The following NDC80 variants were observed in gnomAD, a reference collection of about 807,000 sequenced individuals.
NDC80 encodes the protein NDC80 kinetochore complex component.
A neutral mutation model predicts 89.3 loss-of-function variants in NDC80; 69 were observed. The observed-to-expected ratio is 0.77, with a 90% CI of 0.64 to 0.94. NDC80 has a LOEUF of 0.94. Among genes scored for constraint, NDC80 ranks in the 40% least tolerant of loss-of-function variants. The pLI is 0.00. For synonymous variants in NDC80, 243 were observed against 255.6 expected, an observed-to-expected ratio of 0.95 and a Z score of 0.47; for missense variants, 593 against 739.6, an observed-to-expected ratio of 0.80 and a Z score of 2.30.
chr18:2,590,913 G>GT (rs11452425), intron 10 of NDC80, among the ~76,000 whole-genome samples: 17,330 of 151,784 alleles, frequency 0.11, 1,189 homozygotes, highest in Admixed American at 0.14. Flanking sequence ...AGATTCTTTT[G>GT]TTTTTTTTGA....
At chr18:2,596,318 C>G (rs2072656041) in intron 11 of NDC80, among the ~76,000 whole-genome samples, 1 of 151,934 alleles carries the variant, frequency 6.6e-6, no homozygotes, top group Admixed American at 6.6e-5. Flanking sequence ...TGAACTCAAA[C>G]AAATTTACAA....
intron 11 of NDC80, among the ~76,000 whole-genome samples, chr18:2,598,712 C>T (rs2072669690): frequency 6.6e-6 from 1 of 152,086 alleles, no homozygotes; most frequent in African/African-American, 2.4e-5. Context: ...TTATCTGGCA[C>T]TTCAAAAAGT....
At chr18:2,580,280 C>T (rs1006451671) in intron 6 of NDC80, among the ~76,000 whole-genome samples, 5 of 150,622 alleles carry the variant, frequency 3.3e-5, no homozygotes, top group African/African-American at 4.9e-5. Flanking sequence ...CAAAAATGGT[C>T]GAGTCAGAGA....
rs150600856 is a variant in NDC80 at position 2,585,036 on chromosome 18, C to A, written c.580-77C>A. On this transcript the variant is annotated intron_variant, in intron 6 of 16. Coordinates refer to ENST00000261597, the MANE Select transcript of NDC80 (RefSeq NM_006101.3). ...AATGTAAATGCTTCTAAAATTGACA[C>A]TGAAAACAGAATTTGCCAAAAAATG... is the stretch of plus-strand genomic sequence containing the variant. 8.4e-6 allele frequency: 9 copies of A among 1,073,260 alleles called. No homozygotes were observed. In the Admixed American group the frequency reaches 9.0e-5, roughly 11 times the overall value. 66.5% of individuals were successfully genotyped at this position (1,073,260 alleles called of 1,614,324 possible). A position where few individuals can be genotyped will look rare whatever the true frequency, so the allele number is the denominator to read the frequency against.
At chr18:2,580,730 G>GCTTTTTTTTTT (rs1567997102) in intron 6 of NDC80, among the ~76,000 whole-genome samples, 1 of 48,116 alleles carries the variant, frequency 2.1e-5, no homozygotes, top group Admixed American at 3.5e-4. Context: ...CTCACCATCA[G>GCTTTTTTTTTT]ATTTTTTTTT....
intron 12 of NDC80, among the ~76,000 whole-genome samples, chr18:2,599,421 C>G (rs1446376757): frequency 6.6e-6 from 1 of 152,038 alleles, no homozygotes; most frequent in Non-Finnish European, 1.5e-5. Context: ...AATGATCCCC[C>G]CAGAGGAGAA....
intron 16 of NDC80, among the ~76,000 whole-genome samples, chr18:2,616,069 A>G (rs1244138068): frequency 2.6e-5 from 4 of 152,270 alleles, no homozygotes; most frequent in Non-Finnish European, 5.9e-5. Flanking sequence ...TCTGTGACAC[A>G]GGCTGGAGTG....
chr18:2,594,166 A>G (rs2072642102), intron 10 of NDC80: 1 of 156,134 alleles, frequency 6.4e-6, no homozygotes, highest in Non-Finnish European at 1.4e-5. Flanking sequence ...AAGCGCTGGG[A>G]TTACAGGCGT....
chr18:2,602,736 C>T (rs2143660435), intron 13 of NDC80, among the ~76,000 whole-genome samples: 1 of 152,244 alleles, frequency 6.6e-6, no homozygotes, highest in East Asian at 1.9e-4. Context: ...ATACATCCTT[C>T]AGGCACTCCC....
chr18:2,608,000 A>ATATATAT, intron 14 of NDC80, among the ~76,000 whole-genome samples: 1 of 39,208 alleles, frequency 2.6e-5, no homozygotes, highest in Non-Finnish European at 5.3e-5. Context: ...TATATATATA[A>ATATATAT]CTTATTTAGC....
At chr18:2,615,637 T>C (rs569893018) in intron 16 of NDC80, among the ~76,000 whole-genome samples, 32 of 152,354 alleles carry the variant, frequency 2.1e-4, no homozygotes, top group African/African-American at 7.5e-4. Context: ...GGCATGGACA[T>C]CTTTGGAAAG....
intron 14 of NDC80, among the ~76,000 whole-genome samples, chr18:2,608,071 C>A (rs1363430751): frequency 7.0e-6 from 1 of 142,492 alleles, no homozygotes; most frequent in Non-Finnish European, 1.5e-5. Flanking sequence ...CTGTGAATAT[C>A]TTTGTATATC....
Position 2,578,098 on chromosome 18 carries a change from A to C in NDC80, c.433A>C (p.Thr145Pro), listed in dbSNP as rs376046223. 2.5e-6 allele frequency: 4 copies of C among 1,614,058 alleles called. No individual in the cohort carries two copies. Among genetic ancestry groups the C allele is most frequent in the Non-Finnish European group, 2.5e-6 (3 of 1,179,992 alleles). ...FLCPSYELPD[T>P]KFEEEVPRIF... Reference sequence around the variant, plus strand: ...GTGCCCCTCATACGAACTTCCTGACACAAAGTTTGAAGAAGAGGTTCCAAG... The same window carrying C: ...GTGCCCCTCATACGAACTTCCTGACCCAAAGTTTGAAGAAGAGGTTCCAAG... The change falls in exon 5 of 17, where the codon ACA (threonine) becomes CCA (proline). Residue 145 changes from threonine to proline, a missense_variant. Physicochemically the swap from Thr to Pro is conservative, Grantham distance 38. Coordinates refer to ENST00000261597, the MANE Select transcript of NDC80 (RefSeq NM_006101.3).
At chr18:2,615,887 CAT>C (rs369549747) in intron 16 of NDC80, among the ~76,000 whole-genome samples, 20 of 152,036 alleles carry the variant, frequency 1.3e-4, no homozygotes, top group African/African-American at 2.2e-4. Context: ...TATATTTAGA[CAT>C]GTGTGTGTAA....
At position 2,604,110 on chromosome 18, in the gene NDC80, G is replaced by A. The variant is rs116281324; in HGVS notation, c.1465-2305G>A. 6.3e-3 allele frequency among the ~76,000 whole-genome samples: 958 copies of A among 151,974 alleles called. 11 individuals are homozygous for A. Among genetic ancestry groups the A allele is most frequent in the African/African-American group, 0.021 (886 of 41,538 alleles). ...TTATGTGCCTAGTACTGTAATAGAT[G>A]GTGATACTAGTACAGTGCAGCATCT... On this transcript the variant is annotated intron_variant, in intron 13 of 16. Coordinates refer to ENST00000261597, the MANE Select transcript of NDC80 (RefSeq NM_006101.3).
chr18:2,594,509 TG>T (rs2072644136), intron 10 of NDC80: 1 of 163,840 alleles, frequency 6.1e-6, no homozygotes, highest in East Asian at 1.8e-4. Flanking sequence ...ACTGTGATGA[TG>T]GGTTTTCTGT....
chr18:2,578,599 G>C (rs997653866), intron 5 of NDC80, among the ~76,000 whole-genome samples: 1 of 152,126 alleles, frequency 6.6e-6, no homozygotes, highest in Admixed American at 6.5e-5. Context: ...ATTGAAAGTG[G>C]GAAGAATGGA....
At chr18:2,613,779 C>G (rs7239727) in intron 16 of NDC80, among the ~76,000 whole-genome samples, 2 of 151,870 alleles carry the variant, frequency 1.3e-5, no homozygotes, top group Non-Finnish European at 2.9e-5. Context: ...TCAAAAGACA[C>G]GGAAAGAGAG....
intron 6 of NDC80, among the ~76,000 whole-genome samples, chr18:2,581,519 C>T (rs1031526891): frequency 7.9e-5 from 12 of 152,062 alleles, no homozygotes; most frequent in Admixed American, 1.3e-4. Flanking sequence ...AAATATTAGC[C>T]GGGTGTGATG....
Sources: gnomAD v4.1 joint callset for allele counts (sites outside exome capture counted in the v4.1 genomes callset) on GRCh38, gnomAD v4.1.1 for gene constraint, MANE v1.5 for transcripts, NCBI Gene and HGNC (gene_info 2026-07-23, HGNC 2026-07-21) for gene names.